ZNF83: variants seen among roughly 807,000 people sequenced by gnomAD.
ZNF83 encodes the protein zinc finger protein 816B.
For synonymous variants in ZNF83, 209 were observed against 213.0 expected, an observed-to-expected ratio of 0.98 and a Z score of 0.17; for missense variants, 552 against 629.9, an observed-to-expected ratio of 0.88 and a Z score of 1.32.
chr19:52,662,854 G>T (rs543243475), intron 1 of ZNF83, among the ~76,000 whole-genome samples: 4 of 152,174 alleles, frequency 2.6e-5, no homozygotes, highest in East Asian at 3.9e-4. Flanking sequence ...GAATGTGTTG[G>T]TTTTTTCTCT....
chr19:52,670,817 C>T (rs1458988945), intron 1 of ZNF83, among the ~76,000 whole-genome samples: 1 of 152,082 alleles, frequency 6.6e-6, no homozygotes, highest in East Asian at 1.9e-4. Context: ...TTCCAGGCTA[C>T]AGGTAAATTT....
intron 1 of ZNF83, among the ~76,000 whole-genome samples, chr19:52,637,340 C>T (rs1206989398): frequency 6.6e-6 from 1 of 152,072 alleles, no homozygotes; most frequent in Non-Finnish European, 1.5e-5. Flanking sequence ...TGCTGTGGTT[C>T]TCCCTCTGTT....
chr19:52,650,259 TTC>T (rs1252449616), intron 3 of ZNF83, among the ~76,000 whole-genome samples: 2 of 35,788 alleles, frequency 5.6e-5, no homozygotes. Flanking sequence ...TTACTTTTCT[TTC>T]TTTTTTTTTT....
chr19:52,651,682 T>TGAAAAAAAAAAAAAAAAA, intron 3 of ZNF83: 1 of 39,860 alleles, frequency 2.5e-5, no homozygotes, highest in Non-Finnish European at 4.2e-5. Context: ...AGACTCTGTC[T>TGAAAAAAAAAAAAAAAAA]CAAAAAAAAA....
At chr19:52,638,875 C>CA (rs1183734032), upstream of ZNF83, among the ~76,000 whole-genome samples, 1 of 152,176 alleles carries the variant, frequency 6.6e-6, no homozygotes, top group Non-Finnish European at 1.5e-5. Context: ...CCTGAGGTCC[C>CA]AGCTATTCAG....
At chr19:52,687,053 T>C (rs7260477) in intron 1 of ZNF83, among the ~76,000 whole-genome samples, 93,638 of 151,040 alleles carry the variant, frequency 0.62, 29,230 homozygotes, top group African/African-American at 0.69. Flanking sequence ...TGGTGGCGCA[T>C]GCCTGTAATC....
At chr19:52,643,272 T>G (rs1173854975), upstream of ZNF83, among the ~76,000 whole-genome samples, 4 of 151,244 alleles carry the variant, frequency 2.6e-5, no homozygotes, top group Non-Finnish European at 4.4e-5. Context: ...AAAAATCGCT[T>G]GAACCCAGGA....
chr19:52,671,467 A>G (rs56278809), intron 1 of ZNF83, among the ~76,000 whole-genome samples: 34,996 of 151,756 alleles, frequency 0.23, 5,062 homozygotes, highest in South Asian at 0.32. Flanking sequence ...TCCTTCAGAC[A>G]GGACCTAGTT....
intron 2 of ZNF83, among the ~76,000 whole-genome samples, chr19:52,615,842 T>C (rs2060284510): frequency 6.6e-6 from 1 of 152,090 alleles, no homozygotes; most frequent in African/African-American, 2.4e-5. Flanking sequence ...CTGATAAATC[T>C]TTTTTTTCTT....
At chr19:52,617,247 A>G (rs571207666) in intron 2 of ZNF83, 2 of 152,356 alleles carry the variant, frequency 1.3e-5, no homozygotes, top group South Asian at 2.1e-4. Flanking sequence ...GTTGCTGACC[A>G]TGTCACTTGG....
chr19:52,613,491 T>C (rs1168695059), exon 3 of ZNF83: 1 of 1,614,008 alleles, frequency 6.2e-7, no homozygotes, highest in Non-Finnish European at 8.5e-7. Flanking sequence ...GGGCAAGGTA[T>C]GAATTGCGAC....
At chr19:52,684,063 G>C (rs1464223987) in intron 1 of ZNF83, among the ~76,000 whole-genome samples, 3 of 152,034 alleles carry the variant, frequency 2.0e-5, no homozygotes, top group Admixed American at 1.3e-4. Flanking sequence ...GTGAAACCCT[G>C]TCTCTACTAA....
At chr19:52,628,010 TC>T (rs1454162106) in intron 2 of ZNF83, among the ~76,000 whole-genome samples, 6 of 152,024 alleles carry the variant, frequency 3.9e-5, no homozygotes, top group Non-Finnish European at 8.8e-5. Context: ...TGACACCCAC[TC>T]CTGCCCACCA....
intron 1 of ZNF83, among the ~76,000 whole-genome samples, chr19:52,683,413 GA>G (rs1439153208): frequency 5.3e-5 from 8 of 151,998 alleles, no homozygotes; most frequent in Admixed American, 5.2e-4. Context: ...AATCTTTCCT[GA>G]AGTCACGGAG....
At chr19:52,615,552 A>C (rs1285625486) in intron 2 of ZNF83, among the ~76,000 whole-genome samples, 14 of 152,188 alleles carry the variant, frequency 9.2e-5, no homozygotes, top group Non-Finnish European at 1.5e-5. Flanking sequence ...CAGCCTGACC[A>C]ACATGATTAA....
intron 1 of ZNF83, among the ~76,000 whole-genome samples, chr19:52,677,327 A>C (rs1285502819): frequency 2.6e-5 from 3 of 116,430 alleles, no homozygotes; most frequent in Non-Finnish European, 5.6e-5. Context: ...AAAAAAAAAA[A>C]AAACAAAAAT....
intron 1 of ZNF83, among the ~76,000 whole-genome samples, chr19:52,677,306 T>TAAAAAAAAAAA (rs67835464): frequency 1.9e-5 from 2 of 106,462 alleles, no homozygotes; most frequent in Non-Finnish European, 3.9e-5. Context: ...AATTGAGAAG[T>TAAAAAAAAAAA]AAAAAAAAAA....
At chr19:52,688,381 G>A (rs1237944747) in intron 1 of ZNF83, among the ~76,000 whole-genome samples, 1 of 148,956 alleles carries the variant, frequency 6.7e-6, no homozygotes, top group Non-Finnish European at 1.5e-5. Flanking sequence ...ACTATGTTGT[G>A]CAGGCTGGTC....
At chr19:52,688,611 T>C (rs1264185656) in intron 1 of ZNF83, among the ~76,000 whole-genome samples, 1 of 152,016 alleles carries the variant, frequency 6.6e-6, no homozygotes, top group Non-Finnish European at 1.5e-5. Flanking sequence ...CTGCTGTTTA[T>C]CCCCTTCTTC....
Sources: gnomAD v4.1 joint callset for allele counts (sites outside exome capture counted in the v4.1 genomes callset) on GRCh38, gnomAD v4.1.1 for gene constraint, MANE v1.5 for transcripts, NCBI Gene and HGNC (gene_info 2026-07-23, HGNC 2026-07-21) for gene names.